The following TRPM6 variants were observed in gnomAD, a reference collection of about 807,000 sequenced individuals.
TRPM6 encodes channel kinase 2.
TRPM6 carries 111 observed loss-of-function variants against 247.6 expected under a neutral mutation model. That is an observed-to-expected ratio of 0.45 (90% CI 0.38 to 0.52). The LOEUF is 0.52. Ranked by LOEUF, TRPM6 falls within the 20% of genes least tolerant of loss-of-function variation. The pLI, the probability that TRPM6 is intolerant of heterozygous loss-of-function variation, is 0.00. For synonymous variants in TRPM6, 892 were observed against 853.8 expected, an observed-to-expected ratio of 1.04 and a Z score of -0.78; for missense variants, 2,126 against 2,421.5, an observed-to-expected ratio of 0.88 and a Z score of 2.56.
At position 74,728,259 on chromosome 9, in the gene TRPM6, C is replaced by T. The variant is rs1238360025; in HGVS notation, c.5915G>A (p.Cys1972Tyr). The change falls in exon 38 of 39, where the codon TGC becomes TAC. Residue 1972 changes from cysteine to tyrosine, a missense_variant. Around this residue, in one of 3 missense-constraint regions of TRPM6, gnomAD observed 327 missense variants for 397.7 expected, o/e 0.82. Transcript: ENST00000360774. ...FIAKHHCNSC[C>Y]RKLKLPDLKR... Reference sequence around the variant, plus strand: ...CATACCCGGGAGTTTGAGCTTCCGGCAGCAGGAGTTACAATGATGTTTTGC... The same window carrying T: ...CATACCCGGGAGTTTGAGCTTCCGGTAGCAGGAGTTACAATGATGTTTTGC... 1 of 1,614,072 alleles carries T rather than the reference C, an allele frequency of 6.2e-7. No individual in the cohort carries two copies. The highest frequency in any genetic ancestry group is 1.7e-5 in the Admixed American group (1 of 60,016).
At chr9:74,847,207 ACT>A (rs1234118031) in intron 3 of TRPM6, among the ~76,000 whole-genome samples, 1 of 152,030 alleles carries the variant, frequency 6.6e-6, no homozygotes, top group Non-Finnish European at 1.5e-5. Context: ...TAAAATTTTC[ACT>A]GTTTAGTTTG....
intron 19 of TRPM6, among the ~76,000 whole-genome samples, chr9:74,790,036 G>GT (rs1564015647): frequency 2.3e-4 from 34 of 148,696 alleles, no homozygotes; most frequent in African/African-American, 5.9e-4. Flanking sequence ...GTGTGTGTGT[G>GT]GGTTCATTCT....
intron 21 of TRPM6, among the ~76,000 whole-genome samples, chr9:74,783,973 C>T (rs1457900384): frequency 3.3e-5 from 5 of 152,036 alleles, no homozygotes; most frequent in Non-Finnish European, 2.9e-5. Flanking sequence ...TGGAAAAAGC[C>T]GGCCGGGCTC....
Position 74,762,021 on chromosome 9 carries a change from C to G in TRPM6, c.4650G>C (p.Leu1550Phe). The change falls in exon 26 of 39, where the codon TTG becomes TTC. Residue 1550 changes from leucine (L) to phenylalanine (F), a missense_variant. Coordinates refer to ENST00000360774, the MANE Select transcript of TRPM6 (RefSeq NM_017662.5). ...TACTTTTAATCTTACAGATCTTCAT[C>G]AATTTCTCCTCCTTATGGAATCTAA... is the stretch of plus-strand genomic sequence containing the variant. ...HSFRFHKEEK[L>F]MKICKIKNLS... is the part of the protein sequence containing the mutation. The G allele has an allele frequency of 6.2e-7, 1 of 1,614,108 alleles. No individual in the cohort carries two copies. The highest frequency in any genetic ancestry group is 8.5e-7 in the Non-Finnish European group (1 of 1,179,986).
intron 1 of TRPM6, among the ~76,000 whole-genome samples, chr9:74,861,952 G>C (rs1332948723): frequency 6.6e-6 from 1 of 151,838 alleles, no homozygotes; most frequent in Non-Finnish European, 1.5e-5. Flanking sequence ...ATTGTTGAAT[G>C]AGCAACAAAC....
intron 4 of TRPM6, 58 bp downstream of exon 4, chr9:74,842,108 T>C: frequency 6.5e-7 from 1 of 1,538,834 alleles, no homozygotes. Context: ...CAAAACCCCG[T>C]CTCGAAAAAA....
chr9:74,800,114 C>T (rs894467050), intron 17 of TRPM6, 140 bp downstream of exon 17: 8 of 782,528 alleles, frequency 1.0e-5, no homozygotes, highest in Non-Finnish European at 1.7e-5. Context: ...CTGCAGTCCC[C>T]TGCTAGAACC....
At chr9:74,816,483 A>C (rs1335780455) in intron 11 of TRPM6, among the ~76,000 whole-genome samples, 186 bp downstream of exon 11, 3 of 151,192 alleles carry the variant, frequency 2.0e-5, no homozygotes, top group Admixed American at 6.6e-5. Context: ...AAAAAAAAAA[A>C]AAAAAACAGA....
intron 30 of TRPM6, among the ~76,000 whole-genome samples, chr9:74,748,146 G>C (rs1040393139): frequency 6.6e-6 from 1 of 152,160 alleles, no homozygotes; most frequent in African/African-American, 2.4e-5. Flanking sequence ...AACACCTAGT[G>C]ATGTCTTAGC....
chr9:74,858,009 G>A (rs188540390), intron 2 of TRPM6, among the ~76,000 whole-genome samples: 1 of 152,240 alleles, frequency 6.6e-6, no homozygotes, highest in African/African-American at 2.4e-5. Context: ...CCATCAAGAG[G>A]AACAGAAGAA....
chr9:74,801,892 A>G lies in TRPM6; in HGVS notation c.2009+6T>C. ...GTTTAGTATGAAGTGAAGAGAGAACACTTACTTTGAGTAATTCTTCAACTC... is the reference window on the plus strand; with the variant it reads ...GTTTAGTATGAAGTGAAGAGAGAACGCTTACTTTGAGTAATTCTTCAACTC... On this transcript the variant is annotated splice_donor_region_variant and intron_variant, in intron 16 of 38. Transcript: ENST00000360774. 1 of 1,614,048 alleles carries G rather than the reference A, an allele frequency of 6.2e-7. No homozygotes were observed. The highest frequency in any genetic ancestry group is 8.5e-7 in the Non-Finnish European group (1 of 1,179,996).
chr9:74,833,088 A>T (rs931735858), intron 6 of TRPM6, among the ~76,000 whole-genome samples: 58 of 152,124 alleles, frequency 3.8e-4, no homozygotes, highest in African/African-American at 1.4e-3. Flanking sequence ...ACCCATAATC[A>T]TGTCTGTATT....
intron 1 of TRPM6, chr9:74,887,158 G>A (rs1010481671): frequency 8.6e-6 from 8 of 929,404 alleles, no homozygotes; most frequent in Middle Eastern, 2.3e-4. Flanking sequence ...AGCCAGCGGG[G>A]ACTCCTGAGG....
In TRPM6 at chr9:74,842,350, T is replaced by C; in HGVS notation, c.153-7A>G. ...CAGTCGGCCACAGTAACACCTTAAA[T>C]TCAAGACCAAAAAAAAACTCAACTT... On this transcript the variant is annotated splice_region_variant and splice_polypyrimidine_tract_variant and intron_variant, in intron 3 of 38. Transcript: ENST00000360774. 2 of 1,614,086 alleles carry C rather than the reference T, an allele frequency of 1.2e-6. No individual in the cohort carries two copies. Among genetic ancestry groups the C allele is most frequent in the Non-Finnish European group, 1.7e-6 (2 of 1,180,016 alleles).
intron 25 of TRPM6, among the ~76,000 whole-genome samples, chr9:74,763,520 C>A (rs774473837): frequency 7.2e-5 from 11 of 151,844 alleles, no homozygotes; most frequent in Non-Finnish European, 5.9e-5. Context: ...TAACAGCAAG[C>A]ACCGTACAAT....
intron 23 of TRPM6, among the ~76,000 whole-genome samples, chr9:74,778,798 C>G (rs1827316014): frequency 6.6e-6 from 1 of 152,180 alleles, no homozygotes; most frequent in Admixed American, 6.5e-5. Context: ...GCCCAGCTGC[C>G]TGCTTGGGCA....
chr9:74,739,776 G>C lies in TRPM6; in HGVS notation c.5434C>G (p.Arg1812Gly), dbSNP rs752556006. The C allele has an allele frequency of 6.2e-7, 1 of 1,613,970 alleles. No individual in the cohort carries two copies. ...TCCTGGAAGATTTTATGCCATGTCC[G>C]CACAACCTCAGGAAGAAAGGACTTG... ...IVKSFLPEVVRTWHKIFQEST... is the reference protein window; with the variant it reads ...IVKSFLPEVVGTWHKIFQEST... The change falls in exon 34 of 39, where the codon CGG (arginine) becomes GGG (glycine). Residue 1812 changes from arginine to glycine, a missense_variant. This residue lies in a region of TRPM6 where 327 missense variants were observed against 397.7 expected (regional missense o/e 0.82). Coordinates refer to ENST00000360774, the MANE Select transcript of TRPM6 (RefSeq NM_017662.5).
intron 8 of TRPM6, 92 bp from the exon 9 acceptor site, chr9:74,820,519 C>T (rs1587542769): frequency 6.7e-7 from 1 of 1,495,280 alleles, no homozygotes; most frequent in Non-Finnish European, 9.2e-7. Context: ...GCTCCCCAGA[C>T]TGAAAAGGTG....
chr9:74,841,720 G>T (rs1829944295), intron 4 of TRPM6, among the ~76,000 whole-genome samples: 1 of 152,122 alleles, frequency 6.6e-6, no homozygotes, highest in African/African-American at 2.4e-5. Context: ...GGCCAGGCTG[G>T]TCTCAAACTC....
Sources: gnomAD v4.1 joint callset for allele counts (sites outside exome capture counted in the v4.1 genomes callset) on GRCh38, gnomAD v4.1.1 for gene constraint, gnomAD v4.1.1 regional missense constraint, MANE v1.5 for transcripts, NCBI Gene and HGNC (gene_info 2026-07-23, HGNC 2026-07-21) for gene names.